TMEM255B: variants seen among roughly 807,000 people sequenced by gnomAD.
TMEM255B encodes the protein transmembrane protein 255B, also known as family with sequence similarity 70, member B.
Under a neutral mutation model 34.5 loss-of-function variants are expected in TMEM255B, and 35 were observed. That is an observed-to-expected ratio of 1.01 (90% confidence interval 0.77 to 1.34). The LOEUF (loss-of-function observed/expected upper bound fraction) is 1.34, where lower values mean the gene tolerates loss of function less well. Among genes scored for constraint, TMEM255B ranks in the 40% most tolerant of loss-of-function variants. TMEM255B has a pLI of 0.00. For synonymous variants in TMEM255B, 206 were observed against 201.2 expected (o/e 1.02, Z -0.20); for missense variants, 432 against 433.2 (o/e 1.00, Z 0.02).
chr13:113,808,402 G>A (rs116841483), intron 8 of TMEM255B, among the ~76,000 whole-genome samples: 2 of 152,252 alleles, frequency 1.3e-5, no homozygotes, highest in South Asian at 2.1e-4. Flanking sequence ...GAGATTACTC[G>A]TGGGCAGGGC....
chr13:113,779,280 C>G (rs2138540068), intron 3 of TMEM255B, among the ~76,000 whole-genome samples: 1 of 152,308 alleles, frequency 6.6e-6, no homozygotes, highest in South Asian at 2.1e-4. Context: ...GATGTTCTTG[C>G]TCTGTCAATC....
At chr13:113,793,094 A>AGCTCT (rs2050858512) in intron 3 of TMEM255B, among the ~76,000 whole-genome samples, 1 of 152,244 alleles carries the variant, frequency 6.6e-6, no homozygotes, top group Admixed American at 6.5e-5. Flanking sequence ...TCAGCTTGCC[A>AGCTCT]GCTCTGCTCT....
intron 3 of TMEM255B, among the ~76,000 whole-genome samples, chr13:113,790,022 C>G (rs7325997): frequency 0.77 from 110,818 of 144,654 alleles, 42,173 homozygotes; most frequent in East Asian, 0.87. Flanking sequence ...GACTGGGCAC[C>G]TGAACATCCT....
intron 3 of TMEM255B, among the ~76,000 whole-genome samples, chr13:113,774,537 CAT>C (rs1178874979): frequency 2.7e-5 from 4 of 150,738 alleles, no homozygotes; most frequent in Non-Finnish European, 5.9e-5. Context: ...GTACAAAACA[CAT>C]GCATGCCACA....
intron 5 of TMEM255B, 138 bp from the exon 6 acceptor site, chr13:113,800,689 G>A (rs1269902704): frequency 2.1e-5 from 16 of 753,062 alleles, no homozygotes; most frequent in African/African-American, 1.7e-4. Flanking sequence ...GTCTGGAGTC[G>A]GGGGAAAGTC....
chr13:113,779,558 A>C (rs987907409), intron 3 of TMEM255B, among the ~76,000 whole-genome samples: 2 of 144,716 alleles, frequency 1.4e-5, no homozygotes. Flanking sequence ...TTTTGGGGCC[A>C]TAGAGGGAGC....
At chr13:113,805,156 TGGG>T (rs2051147119) in intron 8 of TMEM255B, 128 bp downstream of exon 8, 1 of 1,181,288 alleles carries the variant, frequency 8.5e-7, no homozygotes, top group Non-Finnish European at 1.1e-6. Flanking sequence ...GGATGGGAGG[TGGG>T]GGGCAGTGAC....
intron 6 of TMEM255B, among the ~76,000 whole-genome samples, chr13:113,801,300 C>A (rs1272838214): frequency 1.3e-5 from 2 of 152,250 alleles, no homozygotes; most frequent in Non-Finnish European, 2.9e-5. Flanking sequence ...GCATGGCCCC[C>A]TCTTGGGACA....
At chr13:113,798,933 G>A (rs61966705) in intron 4 of TMEM255B, among the ~76,000 whole-genome samples, 107,880 of 152,118 alleles carry the variant, frequency 0.71, 38,563 homozygotes, top group East Asian at 0.86. Flanking sequence ...TGAGTTTATT[G>A]GTCTGAAATC....
chr13:113,799,923 C>A, intron 5 of TMEM255B: 2 of 1,274,622 alleles, frequency 1.6e-6, no homozygotes, highest in Non-Finnish European at 2.1e-6. Context: ...CTCGCACCTG[C>A]CCTGTGTGGA....
chr13:113,766,678 G>A (rs1254086955), intron 2 of TMEM255B, among the ~76,000 whole-genome samples: 2 of 152,230 alleles, frequency 1.3e-5, no homozygotes, highest in Admixed American at 6.5e-5. Context: ...ATTTTACCCT[G>A]AGGGACCAGG....
intron 2 of TMEM255B, 134 bp downstream of exon 2, chr13:113,766,391 G>C: frequency 7.7e-7 from 1 of 1,294,800 alleles, no homozygotes; most frequent in East Asian, 2.3e-5. Flanking sequence ...GTGGTCGGCA[G>C]GGTTATGGCC....
chr13:113,766,773 G>A (rs192798648), intron 2 of TMEM255B, among the ~76,000 whole-genome samples: 225 of 152,340 alleles, frequency 1.5e-3, no homozygotes, highest in Middle Eastern at 3.4e-3. Context: ...TATTAGTGAC[G>A]TGATCGCGTG....
rs118185376 is a variant in TMEM255B at position 113,809,018 on chromosome 13, G to A, written c.814-2718G>A. The stretch of plus-strand genomic sequence containing the variant: ...CTGGGGCTTTACTCCATGGTTCCTC[G>A]GGGTTTACTCTGTGGTTTTTGGGGG... On this transcript the variant is annotated intron_variant, in intron 8 of 8. Coordinates refer to ENST00000375353, the MANE Select transcript of TMEM255B (RefSeq NM_182614.4). Among the ~76,000 whole-genome samples, 323 of 140,808 alleles carry A rather than the reference G, an allele frequency of 2.3e-3. 10 individuals are homozygous for A. The East Asian group carries it at 0.052, about 22-fold the overall frequency. 92.4% of individuals were successfully genotyped at this position (140,808 alleles called of 152,430 possible).
intron 3 of TMEM255B, among the ~76,000 whole-genome samples, chr13:113,790,106 C>T (rs1236178044): frequency 6.7e-6 from 1 of 150,130 alleles, no homozygotes; most frequent in African/African-American, 2.4e-5. Flanking sequence ...TAGTGCTGGA[C>T]TGACCGGGCA....
intron 3 of TMEM255B, among the ~76,000 whole-genome samples, chr13:113,789,304 G>T (rs1212420079): frequency 6.6e-6 from 1 of 152,156 alleles, no homozygotes; most frequent in East Asian, 1.9e-4. Context: ...CCAGATCCTT[G>T]TGGCTCCAGT....
At chr13:113,764,650 C>T (rs926535721) in intron 1 of TMEM255B, among the ~76,000 whole-genome samples, 30 of 152,208 alleles carry the variant, frequency 2.0e-4, no homozygotes, top group Admixed American at 1.6e-3. Flanking sequence ...ATGCCTGCAG[C>T]GTGTGCCTCT....
chr13:113,783,577 C>T lies in TMEM255B; in HGVS notation c.253-11571C>T, dbSNP rs28526493. 6.0e-3 allele frequency among the ~76,000 whole-genome samples: 914 copies of T among 152,198 alleles called. 10 individuals carry two copies. The highest frequency in any genetic ancestry group is 0.021 in the African/African-American group (875 of 41,508). On this transcript the variant is annotated intron_variant, in intron 3 of 8. Transcript: ENST00000375353. ...GCTGTTGGATCTGTGACAAGTCAGA[C>T]GTGGAGAAAATCAGACGTGGAGAAA...
chr13:113,788,881 C>T (rs918947249), intron 3 of TMEM255B, among the ~76,000 whole-genome samples: 15 of 152,108 alleles, frequency 9.9e-5, no homozygotes, highest in African/African-American at 3.4e-4. Flanking sequence ...GGGGCCGCGC[C>T]GCGCCTCCCT....
Sources: gnomAD v4.1 joint callset for allele counts (sites outside exome capture counted in the v4.1 genomes callset) on GRCh38, gnomAD v4.1.1 for gene constraint, MANE v1.5 for transcripts, NCBI Gene and HGNC (gene_info 2026-07-23, HGNC 2026-07-21) for gene names.